PTGES3L: variants seen among roughly 807,000 people sequenced by gnomAD.
PTGES3L encodes the protein prostaglandin E synthase 3 like, also known as putative protein PTGES3L.
A neutral mutation model predicts 25.0 loss-of-function variants in PTGES3L; 17 were observed. The ratio of observed to expected loss-of-function variants is 0.68; its 90% CI spans 0.47 to 1.02. The LOEUF is 1.02. Among genes scored for constraint, PTGES3L ranks in the 50% least tolerant of loss-of-function variants. The pLI is 0.00. For synonymous variants in PTGES3L, 59 were observed against 65.7 expected (o/e 0.90, Z 0.50); for missense variants, 202 against 197.5 (o/e 1.02, Z -0.14).
chr17:42,970,227 C>G, intron 6 of PTGES3L, 62 bp downstream of exon 6: 1 of 1,601,388 alleles, frequency 6.2e-7, no homozygotes, highest in Non-Finnish European at 8.6e-7. Context: ...TAGGAGCTCT[C>G]TAGTGGGTTG....
intron 4 of PTGES3L, among the ~76,000 whole-genome samples, chr17:42,978,270 G>A (rs903777462): frequency 6.6e-6 from 1 of 151,890 alleles, no homozygotes; most frequent in Non-Finnish European, 1.5e-5. Context: ...AGCCAGGCGT[G>A]GGGGCACAAG....
intron 6 of PTGES3L, among the ~76,000 whole-genome samples, chr17:42,969,907 A>G (rs1374647958): frequency 1.3e-5 from 2 of 151,434 alleles, no homozygotes; most frequent in Non-Finnish European, 2.9e-5. Context: ...CGGGTGGATC[A>G]CCTCAGGCCA....
intron 4 of PTGES3L, among the ~76,000 whole-genome samples, chr17:42,978,363 C>T (rs367859964): frequency 9.4e-4 from 142 of 151,106 alleles, no homozygotes; most frequent in African/African-American, 3.3e-3. Flanking sequence ...GCCAAGATCG[C>T]GCCACTGCAC....
chr17:42,975,811 G>A (rs573647877), intron 4 of PTGES3L, among the ~76,000 whole-genome samples: 1 of 151,788 alleles, frequency 6.6e-6, no homozygotes, highest in South Asian at 2.1e-4. Flanking sequence ...GGAGCAGCTG[G>A]GATTACAGGC....
At position 42,979,563 on chromosome 17, in the gene PTGES3L, G is replaced by C; in HGVS notation, c.109C>G (p.Arg37Gly). ...TDVHVLIEDHRIVFSCKNADG... is the reference protein window; with the variant it reads ...TDVHVLIEDHGIVFSCKNADG... ...CAGGGCCACTACCTGAACACAATGC[G>C]GTGATCCTCAATAAGCACGTGGACA... The change falls in exon 2 of 7, where the codon CGC becomes GGC. Residue 37 changes from arginine to glycine, a missense_variant. Arg to Gly is a moderately radical substitution (Grantham distance 125). Transcript: ENST00000591916. 6.2e-7 allele frequency: 1 copy of C among 1,614,094 alleles called. No individual in the cohort carries two copies. Among genetic ancestry groups the C allele is most frequent in the Non-Finnish European group, 8.5e-7 (1 of 1,180,010 alleles).
intron 4 of PTGES3L, among the ~76,000 whole-genome samples, chr17:42,973,283 A>T: frequency 7.4e-6 from 1 of 134,576 alleles, no homozygotes. Flanking sequence ...CCCGTCCGGG[A>T]GGTGAGGGGC....
rs1344710303 is a variant in PTGES3L at position 42,971,778 on chromosome 17, G to A, written c.289-82C>T. On this transcript the variant is annotated intron_variant, in intron 4 of 6. Coordinates refer to ENST00000591916, the MANE Select transcript of PTGES3L (RefSeq NM_001261430.2). ...GGAGAGTGTGGGCATATGCATGGGA[G>A]CACGCCTGGGGAAAAGAGGGTCAGT... 7.6e-6 allele frequency: 11 copies of A among 1,452,076 alleles called. No individual in the cohort carries two copies. The East Asian group carries it at 2.5e-4, about 33-fold the overall frequency. 89.9% of individuals were successfully genotyped at this position (1,452,076 alleles called of 1,614,324 possible).
At chr17:42,976,020 T>A (rs1454898592) in intron 4 of PTGES3L, among the ~76,000 whole-genome samples, 1 of 151,552 alleles carries the variant, frequency 6.6e-6, no homozygotes, top group Non-Finnish European at 1.5e-5. Context: ...TCTCACTCTA[T>A]TGCACAGGCA....
chr17:42,974,561 T>A (rs2049919886), intron 4 of PTGES3L, among the ~76,000 whole-genome samples: 2 of 151,856 alleles, frequency 1.3e-5, no homozygotes, highest in Admixed American at 1.3e-4. Flanking sequence ...TCACTTGACG[T>A]CAGGAGTTTG....
intron 4 of PTGES3L, among the ~76,000 whole-genome samples, chr17:42,976,474 G>A (rs1406441561): frequency 6.6e-6 from 1 of 151,980 alleles, no homozygotes; most frequent in Non-Finnish European, 1.5e-5. Flanking sequence ...CACTTCCCAG[G>A]TTCAAGCGAT....
intron 6 of PTGES3L, among the ~76,000 whole-genome samples, chr17:42,969,877 A>G (rs1037296810): frequency 2.6e-5 from 4 of 151,854 alleles, no homozygotes; most frequent in Non-Finnish European, 5.9e-5. Flanking sequence ...CTGTAATCCC[A>G]ATACTTTGGG....
chr17:42,971,166 G>C (rs566344815), intron 5 of PTGES3L, among the ~76,000 whole-genome samples: 19 of 152,006 alleles, frequency 1.2e-4, no homozygotes, highest in African/African-American at 4.1e-4. Flanking sequence ...CAGAAGTGGT[G>C]GTGGGCACCT....
At chr17:42,975,430 AAAAC>A (rs775921860) in intron 4 of PTGES3L, among the ~76,000 whole-genome samples, 35 of 152,304 alleles carry the variant, frequency 2.3e-4, no homozygotes, top group South Asian at 8.3e-4. Flanking sequence ...TGGTTTTTGC[AAAAC>A]AAACAAAACA....
chr17:42,968,797 T>G lies in PTGES3L; in HGVS notation c.*351A>C, dbSNP rs1245077132. ...TGCTTTGCCCCATATGCACACATAG[T>G]AGAGATTTCTATAATCTGCATTCTT... On this transcript the variant is annotated 3_prime_UTR_variant, in exon 7 of 7. Coordinates refer to ENST00000591916, the MANE Select transcript of PTGES3L (RefSeq NM_001261430.2). 5 of 229,170 alleles carry G rather than the reference T, an allele frequency of 2.2e-5. No homozygotes were observed. The highest frequency in any genetic ancestry group is 4.2e-5 in the Non-Finnish European group (5 of 118,380). 14.2% of individuals were successfully genotyped at this position (229,170 alleles called of 1,614,324 possible). A position where few individuals can be genotyped will look rare whatever the true frequency, so the allele number is the denominator to read the frequency against.
chr17:42,977,993 G>A (rs1286429578), intron 4 of PTGES3L, among the ~76,000 whole-genome samples: 2 of 132,456 alleles, frequency 1.5e-5, no homozygotes, highest in Non-Finnish European at 3.1e-5. Context: ...CAGGAGAATC[G>A]CTTGAATCTG....
rs763075866 is a variant in PTGES3L, at chr17:42,969,137, G to A, written c.*11C>T. 15 of 1,527,774 alleles carry A rather than the reference G, an allele frequency of 9.8e-6. No homozygotes were observed. Among genetic ancestry groups the A allele is most frequent in the African/African-American group, 4.3e-5 (3 of 70,474 alleles). 94.6% of individuals were successfully genotyped at this position (1,527,774 alleles called of 1,614,324 possible). ...GCCACAGCTGCCTTCCCAGCTTTGC[G>A]TCACAGAAAGTTAATTACTTGTTGC... On this transcript the variant is annotated 3_prime_UTR_variant, in exon 7 of 7. Transcript: ENST00000591916.
intron 4 of PTGES3L, among the ~76,000 whole-genome samples, chr17:42,977,998 A>C (rs1303755820): frequency 7.4e-6 from 1 of 134,886 alleles, no homozygotes; most frequent in African/African-American, 2.7e-5. Context: ...GAATCGCTTG[A>C]ATCTGGGAGG....
At chr17:42,973,180 G>A (rs557324625) in intron 4 of PTGES3L, among the ~76,000 whole-genome samples, 6 of 143,646 alleles carry the variant, frequency 4.2e-5, no homozygotes, top group African/African-American at 1.3e-4. Flanking sequence ...CACCCCATCC[G>A]GGAGGGAGGT....
chr17:42,970,870 G>A (rs1250257662), intron 5 of PTGES3L, among the ~76,000 whole-genome samples: 3 of 151,792 alleles, frequency 2.0e-5, no homozygotes, highest in Non-Finnish European at 4.4e-5. Context: ...AGCCAGGGGT[G>A]GTGGCGCATG....
Sources: gnomAD v4.1 joint callset for allele counts (sites outside exome capture counted in the v4.1 genomes callset) on GRCh38, gnomAD v4.1.1 for gene constraint, MANE v1.5 for transcripts, NCBI Gene and HGNC (gene_info 2026-07-23, HGNC 2026-07-21) for gene names.